PVT1: variants seen among roughly 807,000 people sequenced by gnomAD.
PVT1 encodes Pvt1 oncogene.
intron 3 of PVT1, among the ~76,000 whole-genome samples, chr8:127,910,531 G>C (rs956024749): frequency 6.6e-6 from 1 of 152,086 alleles, no homozygotes; most frequent in Non-Finnish European, 1.5e-5. Context: ...GTAAATCTCT[G>C]TGTGATTGAT....
rs567862828 is a variant in PVT1, at chr8:127,955,644, G to A, written n.783-33518G>A. Among the ~76,000 whole-genome samples, 258 of 151,786 alleles carry A rather than the reference G, an allele frequency of 1.7e-3. 1 individual carries two copies. Among genetic ancestry groups the A allele is most frequent in the Middle Eastern group, 6.8e-3 (2 of 294 alleles). On this transcript the variant is annotated intron_variant and non_coding_transcript_variant, in intron 3 of 10. Transcript: ENST00000651587. ...GTCGCCCAGGCTGGAGTGCAGTGGT[G>A]CAATCTCGGCCCACTACAACCGCCA...
rs913901813 is a variant in PVT1 at position 127,907,441 on chromosome 8, C to T, written n.782+16443C>T. On this transcript the variant is annotated intron_variant and non_coding_transcript_variant, in intron 3 of 10. Transcript: ENST00000651587. ...TTATGCCTGATGGAACTGACACGGGCCTGCTATGTTTACAGTGCCTGTTCT... is the reference window on the plus strand; with the variant it reads ...TTATGCCTGATGGAACTGACACGGGTCTGCTATGTTTACAGTGCCTGTTCT... 1.4e-4 allele frequency among the ~76,000 whole-genome samples: 22 copies of T among 152,314 alleles called. 2 individuals carry two copies. The South Asian group carries it at 4.3e-3, about 30-fold the overall frequency.
At chr8:128,079,996 T>C (rs938992841) in intron 5 of PVT1, among the ~76,000 whole-genome samples, 1 of 152,222 alleles carries the variant, frequency 6.6e-6, no homozygotes, top group Non-Finnish European at 1.5e-5. Flanking sequence ...GGATGTAGCC[T>C]TTTCAGACTG....
intron 3 of PVT1, among the ~76,000 whole-genome samples, chr8:127,983,322 A>G (rs1238539958): frequency 6.6e-6 from 1 of 151,978 alleles, no homozygotes; most frequent in African/African-American, 2.4e-5. Context: ...TTTCAGCCTT[A>G]CCCTTTGTAG....
At chr8:127,948,240 G>C (rs1398896846) in intron 3 of PVT1, 3 of 320,978 alleles carry the variant, frequency 9.3e-6, no homozygotes, top group African/African-American at 6.5e-5. Flanking sequence ...CAGCTGCTGA[G>C]TGGTGGAGCA....
intron 3 of PVT1, among the ~76,000 whole-genome samples, chr8:127,897,541 A>G (rs1445982266): frequency 2.7e-5 from 4 of 147,986 alleles, no homozygotes; most frequent in Non-Finnish European, 5.9e-5. Flanking sequence ...AAAGAAAGAA[A>G]GAGGAAAGAA....
At chr8:127,809,050 A>AG (rs1563610862) in intron 2 of PVT1, among the ~76,000 whole-genome samples, 2 of 150,362 alleles carry the variant, frequency 1.3e-5, no homozygotes, top group African/African-American at 4.9e-5. Context: ...AAAAAAAAAA[A>AG]AAAAAGAAAG....
chr8:128,082,324 G>A (rs1056181868), intron 5 of PVT1, among the ~76,000 whole-genome samples: 10 of 152,136 alleles, frequency 6.6e-5, no homozygotes, highest in East Asian at 3.8e-4. Context: ...ATCCATTCTC[G>A]ACTCCACTTA....
chr8:127,963,596 C>T (rs1816671233), intron 3 of PVT1, among the ~76,000 whole-genome samples: 1 of 151,618 alleles, frequency 6.6e-6, no homozygotes, highest in South Asian at 2.1e-4. Flanking sequence ...TTTTTTGAAG[C>T]AGCAGCATTT....
intron 2 of PVT1, among the ~76,000 whole-genome samples, chr8:127,813,207 A>G (rs921404623): frequency 4.1e-5 from 6 of 146,140 alleles, no homozygotes; most frequent in African/African-American, 1.5e-4. Flanking sequence ...TATATAATAT[A>G]CAAATATATA....
chr8:127,985,416 T>A (rs912131980), intron 3 of PVT1, among the ~76,000 whole-genome samples: 1 of 150,992 alleles, frequency 6.6e-6, no homozygotes, highest in African/African-American at 2.4e-5. Context: ...TGTGAGCCAC[T>A]GTGCCCGGCT....
intron 4 of PVT1, among the ~76,000 whole-genome samples, chr8:128,067,958 T>TTG (rs1662103154): frequency 6.6e-6 from 1 of 151,968 alleles, no homozygotes; most frequent in Non-Finnish European, 1.5e-5. Flanking sequence ...TTTGTGTTTT[T>TTG]TTTTTTTTGG....
At chr8:127,861,924 T>A (rs975131405) in intron 2 of PVT1, among the ~76,000 whole-genome samples, 20 of 152,214 alleles carry the variant, frequency 1.3e-4, no homozygotes, top group African/African-American at 4.8e-4. Context: ...AACCTTTTCA[T>A]GTGTCTCTGA....
intron 4 of PVT1, among the ~76,000 whole-genome samples, chr8:127,994,425 G>C (rs1416673800): frequency 6.6e-6 from 1 of 152,140 alleles, no homozygotes; most frequent in East Asian, 1.9e-4. Flanking sequence ...TTCCTGTTAT[G>C]AGTCAGTTGC....
chr8:127,945,657 C>A (rs1469502505), intron 3 of PVT1, among the ~76,000 whole-genome samples: 1 of 152,196 alleles, frequency 6.6e-6, no homozygotes, highest in Non-Finnish European at 1.5e-5. Flanking sequence ...TGAAACGATT[C>A]CCTTTCCCTG....
At chr8:127,795,429 A>G (rs969678600) in intron 1 of PVT1, among the ~76,000 whole-genome samples, 1 of 152,176 alleles carries the variant, frequency 6.6e-6, no homozygotes, top group Non-Finnish European at 1.5e-5. Context: ...GGTGGTTTGC[A>G]GGCATGGAAG....
intron 2 of PVT1, among the ~76,000 whole-genome samples, chr8:127,860,107 T>C (rs1815204238): frequency 6.6e-6 from 1 of 152,194 alleles, no homozygotes; most frequent in African/African-American, 2.4e-5. Context: ...TGTGTGCCTC[T>C]GGGCAGGGCC....
chr8:128,074,945 CAA>C (rs1373841870), intron 5 of PVT1, among the ~76,000 whole-genome samples: 2 of 152,148 alleles, frequency 1.3e-5, no homozygotes, highest in Non-Finnish European at 2.9e-5. Flanking sequence ...TAAATGCAGC[CAA>C]AGAGTTAGTT....
intron 4 of PVT1, among the ~76,000 whole-genome samples, chr8:128,058,827 G>C (rs77121002): frequency 0.024 from 3,594 of 152,192 alleles, 54 homozygotes; most frequent in South Asian, 0.072. Flanking sequence ...CCATGTCCTC[G>C]AGCCCTCCAC....
Sources: gnomAD v4.1 joint callset for allele counts (sites outside exome capture counted in the v4.1 genomes callset) on GRCh38, gnomAD v4.1.1 for gene constraint, MANE v1.5 for transcripts, NCBI Gene and HGNC (gene_info 2026-07-23, HGNC 2026-07-21) for gene names.